MAOB: variants seen among roughly 807,000 people sequenced by gnomAD.
The protein encoded by MAOB is monoamine oxidase B.
In MAOB, 15 loss-of-function variants were observed where a neutral mutation model predicts 41.9. That is an observed-to-expected ratio of 0.36 (90% CI 0.24 to 0.55). MAOB has a LOEUF of 0.55. Ranked by LOEUF, MAOB falls within the 20% of genes least tolerant of loss-of-function variation. The pLI, the probability that MAOB is intolerant of heterozygous loss-of-function variation, is 0.86. For synonymous variants in MAOB, 167 were observed against 144.2 expected (o/e 1.16, Z -1.13); for missense variants, 345 against 398.7 (o/e 0.87, Z 1.15).
rs761811882 is a variant in MAOB, at chrX:43,827,612, C to T, written c.279+11256G>A. 4.5e-5 allele frequency among the ~76,000 whole-genome samples: 5 copies of T among 111,687 alleles called. No individual in the cohort carries two copies. In the South Asian group the frequency reaches 1.9e-3, roughly 42 times the overall value. ...TCCTGGTCAAAGCCGTGACAGAGTC[C>T]TCCCAGATTCATAGAGAGGAGGCAT... On this transcript the variant is annotated intron_variant, in intron 3 of 14. Transcript: ENST00000378069.
intron 12 of MAOB, among the ~76,000 whole-genome samples, chrX:43,772,010 C>A (rs756223892): frequency 4.9e-4 from 55 of 111,528 alleles, no homozygotes; most frequent in Non-Finnish European, 9.4e-4. Flanking sequence ...ATTTTTTTCA[C>A]CCTATCCAGA....
At chrX:43,792,335 G>T (rs902745142) in intron 8 of MAOB, among the ~76,000 whole-genome samples, 1 of 111,980 alleles carries the variant, frequency 8.9e-6, no homozygotes, top group African/African-American at 3.2e-5. Flanking sequence ...AACAAAAATT[G>T]CCAGGTAGGA....
In MAOB at chrX:43,769,434, A is replaced by C. The variant is rs775321538; in HGVS notation, c.1236-16T>G. The C allele has an allele frequency of 8.3e-7, 1 of 1,198,623 alleles. No homozygotes were observed. Among genetic ancestry groups the C allele is most frequent in the Non-Finnish European group, 1.1e-6 (1 of 890,965 alleles). Reference sequence around the variant, plus strand: ...GCGTAGAACCCTTGGAACAAAACCAAAGAGGCAAAAGTGGTCAGTCTCAGA... The same window carrying C: ...GCGTAGAACCCTTGGAACAAAACCACAGAGGCAAAAGTGGTCAGTCTCAGA... On this transcript the variant is annotated splice_polypyrimidine_tract_variant and intron_variant, in intron 12 of 14. Coordinates refer to ENST00000378069, the MANE Select transcript of MAOB (RefSeq NM_000898.5).
At position 43,768,621 on chromosome X, in the gene MAOB, A is replaced by G. The variant is rs747566455; in HGVS notation, c.1410+33T>C. On this transcript the variant is annotated intron_variant, in intron 14 of 14. Transcript: ENST00000378069. ...TGAAAATAATGGGTTTAGAGAAAAG[A>G]TATCTAATTTCATGAAATAAAACAT... 6 of 1,133,165 alleles carry G rather than the reference A, an allele frequency of 5.3e-6. No individual in the cohort carries two copies. In the Admixed American group the frequency reaches 1.3e-4, roughly 25 times the overall value. The allele number at this position is 1,133,165 out of a possible 1,213,427, so 93.4% of individuals were successfully genotyped here. A position where few individuals can be genotyped will look rare whatever the true frequency, so the allele number is the denominator to read the frequency against.
At chrX:43,822,202 T>C (rs963820380) in intron 3 of MAOB, among the ~76,000 whole-genome samples, 1 of 112,676 alleles carries the variant, frequency 8.9e-6, no homozygotes, top group East Asian at 2.8e-4. Flanking sequence ...GTGTTCACTT[T>C]CTTTAGTGAT....
chrX:43,806,464 A>T (rs150887762), intron 3 of MAOB, among the ~76,000 whole-genome samples: 69 of 111,838 alleles, frequency 6.2e-4, no homozygotes, highest in Non-Finnish European at 9.6e-4. Flanking sequence ...TACCACAAAG[A>T]CCAAGTGCTC....
chrX:43,828,786 C>A (rs143478154), intron 3 of MAOB, among the ~76,000 whole-genome samples: 1,824 of 111,808 alleles, frequency 0.016, 30 homozygotes, highest in African/African-American at 0.056. Flanking sequence ...ACTGGGGCAT[C>A]TTGAGCAAGT....
chrX:43,775,527 G>A (rs984394084), intron 11 of MAOB, among the ~76,000 whole-genome samples: 1 of 111,474 alleles, frequency 9.0e-6, no homozygotes, highest in Non-Finnish European at 1.9e-5. Context: ...CATAAATTGC[G>A]ATAATCTAAT....
intron 2 of MAOB, among the ~76,000 whole-genome samples, chrX:43,841,691 G>C (rs1168291205): frequency 1.8e-5 from 2 of 111,857 alleles, no homozygotes; most frequent in African/African-American, 3.3e-5. Context: ...AAACAGTATG[G>C]TACTGACATA....
At chrX:43,844,096 A>G (rs891227700) in intron 1 of MAOB, among the ~76,000 whole-genome samples, 1 of 111,956 alleles carries the variant, frequency 8.9e-6, no homozygotes, top group Non-Finnish European at 1.9e-5. Context: ...TGAGTTGCAG[A>G]CACAGGACTA....
intron 2 of MAOB, among the ~76,000 whole-genome samples, chrX:43,842,750 T>C (rs1053491384): frequency 1.8e-5 from 2 of 111,743 alleles, no homozygotes; most frequent in Non-Finnish European, 3.8e-5. Context: ...CCTTTAAAAA[T>C]AAAGAAATGT....
At chrX:43,849,631 C>T (rs1016134389) in intron 1 of MAOB, among the ~76,000 whole-genome samples, 2 of 113,001 alleles carry the variant, frequency 1.8e-5, no homozygotes, top group Non-Finnish European at 3.7e-5. Flanking sequence ...TTGGGCAGGG[C>T]ACCACCTGAA....
intron 1 of MAOB, among the ~76,000 whole-genome samples, chrX:43,860,710 A>G (rs2035326095): frequency 9.0e-6 from 1 of 111,328 alleles, no homozygotes; most frequent in South Asian, 3.8e-4. Flanking sequence ...AATGACTTCC[A>G]TTGCAAACAG....
Position 43,767,175 on chromosome X carries a change from T to G in MAOB, c.*291A>C. On this transcript the variant is annotated 3_prime_UTR_variant, in exon 15 of 15. Coordinates refer to ENST00000378069, the MANE Select transcript of MAOB (RefSeq NM_000898.5). Reference sequence around the variant, plus strand: ...ATTCCTTGTGCATGGGCAAGGTGTGTTGTGGGGCAGCAAGAACCTTAAACA... The same window carrying G: ...ATTCCTTGTGCATGGGCAAGGTGTGGTGTGGGGCAGCAAGAACCTTAAACA... The G allele has an allele frequency of 3.5e-6, 1 of 282,694 alleles. No individual in the cohort carries two copies. The highest frequency in any genetic ancestry group is 6.2e-6 in the Non-Finnish European group (1 of 160,530). The allele number at this position is 282,694 out of a possible 1,213,427, so 23.3% of individuals were successfully genotyped here.
At chrX:43,768,517 T>TA (rs1277726227) in intron 14 of MAOB, 137 bp downstream of exon 14, 6 of 491,243 alleles carry the variant, frequency 1.2e-5, no homozygotes, top group Non-Finnish European at 2.1e-5. Context: ...CCATGATACT[T>TA]ATTTAAACAT....
chrX:43,831,527 T>C (rs1396783555), intron 3 of MAOB, among the ~76,000 whole-genome samples: 1 of 109,474 alleles, frequency 9.1e-6, no homozygotes. Context: ...ATGGTTGCTA[T>C]GGATGGATAA....
intron 3 of MAOB, among the ~76,000 whole-genome samples, chrX:43,823,357 G>T (rs1388095112): frequency 2.8e-5 from 3 of 108,580 alleles, no homozygotes; most frequent in African/African-American, 1.0e-4. Context: ...ATTTTTAGTA[G>T]AAACGGGGTT....
At chrX:43,842,486 A>G (rs1406082895) in intron 2 of MAOB, among the ~76,000 whole-genome samples, 2 of 112,823 alleles carry the variant, frequency 1.8e-5, no homozygotes, top group Non-Finnish European at 3.8e-5. Flanking sequence ...CAGCTATTAC[A>G]GAAAACAGTA....
Position 43,878,408 on chromosome X carries a change from T to TTGTGTGTGTGTGTGTGTG in MAOB, c.46+3828_46+3845dup, listed in dbSNP as rs66511222. On this transcript the variant is annotated intron_variant, in intron 1 of 14. Coordinates refer to ENST00000378069, the MANE Select transcript of MAOB (RefSeq NM_000898.5). ...AGGTGCACTCCTCTATACCCAGCCT[T>TTGTGTGTGTGTGTGTGTG]TGTGTGTGTGTGTGTGTGTGTGTGT... Among the ~76,000 whole-genome samples, 8 of 88,872 alleles carry TTGTGTGTGTGTGTGTGTG rather than the reference T, an allele frequency of 9.0e-5. No homozygotes were observed. The Admixed American group carries it at 1.0e-3, about 11-fold the overall frequency. 77.2% of individuals were successfully genotyped at this position (88,872 alleles called of 115,157 possible).
Sources: gnomAD v4.1 joint callset for allele counts (sites outside exome capture counted in the v4.1 genomes callset) on GRCh38, gnomAD v4.1.1 for gene constraint, MANE v1.5 for transcripts, NCBI Gene and HGNC (gene_info 2026-07-23, HGNC 2026-07-21) for gene names.